Variants in ARHGEF28 observed in about 807,000 individuals in gnomAD.
ARHGEF28 encodes the protein Rho guanine nucleotide exchange factor 28.
A neutral mutation model predicts 206.6 loss-of-function variants in ARHGEF28; 152 were observed. The ratio of observed to expected loss-of-function variants is 0.74; its 90% confidence interval spans 0.64 to 0.84. The LOEUF (loss-of-function observed/expected upper bound fraction) is 0.84. ARHGEF28 is among the 40% of genes least tolerant of loss of function. The pLI is 0.00. For missense variants in ARHGEF28, 2,028 were observed against 2,073.2 expected, an observed-to-expected ratio of 0.98 and a Z score of 0.42; for synonymous variants, 763 against 776.4, an observed-to-expected ratio of 0.98 and a Z score of 0.29.
chr5:73,806,345 T>C (rs1755444572), intron 9 of ARHGEF28, among the ~76,000 whole-genome samples: 1 of 125,224 alleles, frequency 8.0e-6, no homozygotes, highest in Non-Finnish European at 1.6e-5. Context: ...ATATATACTA[T>C]GTAGATATAC....
At chr5:73,899,790 T>G (rs901048578) in intron 30 of ARHGEF28, 1 of 152,240 alleles carries the variant, frequency 6.6e-6, no homozygotes, top group Non-Finnish European at 1.5e-5. Flanking sequence ...ATGAGTATCT[T>G]CTACTTCTAG....
chr5:73,929,228 C>T (rs1054653188), intron 35 of ARHGEF28, among the ~76,000 whole-genome samples: 2 of 152,188 alleles, frequency 1.3e-5, no homozygotes, highest in East Asian at 3.8e-4. Flanking sequence ...TCTGATCACT[C>T]AACTTCAGAA....
intron 2 of ARHGEF28, among the ~76,000 whole-genome samples, chr5:73,716,629 T>A (rs1271194768): frequency 2.0e-5 from 3 of 152,200 alleles, no homozygotes; most frequent in Non-Finnish European, 2.9e-5. Flanking sequence ...ACACCACTTA[T>A]GTCACACCTA....
chr5:73,886,161 A>T lies in ARHGEF28; in HGVS notation c.3310+57A>T. 2.0e-6 allele frequency: 3 copies of T among 1,528,450 alleles called. No homozygotes were observed. The South Asian group carries it at 4.0e-5, about 20-fold the overall frequency. The allele number at this position is 1,528,450 out of a possible 1,614,324, so 94.7% of individuals were successfully genotyped here. Reference sequence around the variant, plus strand: ...TTCATACACATTATTCATTTAACAGAGGACAGATTTTCAAAAGAAAAACAG... The same window carrying T: ...TTCATACACATTATTCATTTAACAGTGGACAGATTTTCAAAAGAAAAACAG... On this transcript the variant is annotated intron_variant, in intron 25 of 35. Coordinates refer to ENST00000513042, the MANE Select transcript of ARHGEF28 (RefSeq NM_001177693.2).
chr5:73,837,677 G>A (rs1383305309), intron 10 of ARHGEF28, among the ~76,000 whole-genome samples: 3 of 151,374 alleles, frequency 2.0e-5, no homozygotes, highest in Admixed American at 2.0e-4. Context: ...TAAAAGGTTA[G>A]GATATAATTT....
chr5:73,844,841 T>C (rs1758217388), intron 11 of ARHGEF28, among the ~76,000 whole-genome samples: 1 of 150,808 alleles, frequency 6.6e-6, no homozygotes, highest in African/African-American at 2.4e-5. Context: ...GGAAAGCTGT[T>C]GGCCTCCAAG....
intron 2 of ARHGEF28, among the ~76,000 whole-genome samples, chr5:73,699,796 C>A (rs920455934): frequency 6.6e-6 from 1 of 152,090 alleles, no homozygotes; most frequent in Non-Finnish European, 1.5e-5. Flanking sequence ...CTACAGAAAA[C>A]ATAAAGTGAT....
chr5:73,736,158 A>G (rs1435179419), intron 2 of ARHGEF28, among the ~76,000 whole-genome samples: 3 of 152,258 alleles, frequency 2.0e-5, no homozygotes, highest in Admixed American at 1.3e-4. Flanking sequence ...GTCCTTGAAC[A>G]TGGTCATTTC....
At chr5:73,699,824 T>G (rs1333463588) in intron 2 of ARHGEF28, among the ~76,000 whole-genome samples, 1 of 152,258 alleles carries the variant, frequency 6.6e-6, no homozygotes, top group African/African-American at 2.4e-5. Flanking sequence ...GTATTCATTT[T>G]CAGCAGATTA....
intron 10 of ARHGEF28, among the ~76,000 whole-genome samples, chr5:73,836,303 CT>C (rs58880911): frequency 0.53 from 66,474 of 125,968 alleles, 13,882 homozygotes; most frequent in East Asian, 0.65. Context: ...TCCTTGTCAG[CT>C]TTTTTTTTTT....
At chr5:73,829,796 A>C (rs917809900) in intron 9 of ARHGEF28, among the ~76,000 whole-genome samples, 1 of 152,218 alleles carries the variant, frequency 6.6e-6, no homozygotes, top group African/African-American at 2.4e-5. Context: ...AGGCGAGTCC[A>C]TTTAAAGATG....
Position 73,748,213 on chromosome 5 carries a change from G to A in ARHGEF28, c.34-1624G>A, listed in dbSNP as rs1231637093. Reference sequence around the variant, plus strand: ...TTTTTGCTTTTCAGATCTCCTTCCTGAACTTTTTTGGAAGCTATTGTATGG... The same window carrying A: ...TTTTTGCTTTTCAGATCTCCTTCCTAAACTTTTTTGGAAGCTATTGTATGG... On this transcript the variant is annotated intron_variant, in intron 2 of 35. Coordinates refer to ENST00000513042, the MANE Select transcript of ARHGEF28 (RefSeq NM_001177693.2). 2.6e-5 allele frequency among the ~76,000 whole-genome samples: 4 copies of A among 152,160 alleles called. No homozygotes were observed. The South Asian group carries it at 6.2e-4, about 24-fold the overall frequency.
intron 33 of ARHGEF28, chr5:73,908,547 A>G (rs1762674631): frequency 6.6e-6 from 1 of 152,200 alleles, no homozygotes; most frequent in Non-Finnish European, 1.5e-5. Context: ...GGGCATTCAC[A>G]GAGATCTCTT....
At chr5:73,804,424 G>A (rs553309816) in intron 9 of ARHGEF28, among the ~76,000 whole-genome samples, 5 of 152,296 alleles carry the variant, frequency 3.3e-5, no homozygotes, top group Non-Finnish European at 7.4e-5. Flanking sequence ...TGCAGGACTT[G>A]AATTCTACAT....
chr5:73,864,895 A>G lies in ARHGEF28; in HGVS notation c.2103+23A>G, dbSNP rs1211261464. ...AAGGTAATTGCTCAGTGATCTGTGA[A>G]TATATATGTGGCATGGTTGCTTCAT... On this transcript the variant is annotated intron_variant, in intron 17 of 35. Transcript: ENST00000513042. The G allele has an allele frequency of 2.5e-6, 4 of 1,608,200 alleles. No individual in the cohort carries two copies. The African/African-American group carries it at 5.4e-5, about 22-fold the overall frequency.
chr5:73,650,752 G>A (rs1369285128), intron 1 of ARHGEF28, among the ~76,000 whole-genome samples: 8 of 151,766 alleles, frequency 5.3e-5, no homozygotes, highest in African/African-American at 9.7e-5. Context: ...GGGTTCAAGC[G>A]ATCCTCCCAC....
At chr5:73,847,988 G>A (rs1200300419) in intron 12 of ARHGEF28, among the ~76,000 whole-genome samples, 2 of 152,188 alleles carry the variant, frequency 1.3e-5, no homozygotes, top group African/African-American at 4.8e-5. Context: ...TGAAGTTAGG[G>A]TAACCATGTG....
chr5:73,747,661 T>C (rs2112391188), intron 2 of ARHGEF28, among the ~76,000 whole-genome samples: 1 of 152,340 alleles, frequency 6.6e-6, no homozygotes, highest in Admixed American at 6.5e-5. Context: ...GTCTTTCTGA[T>C]GTTTTTCTGG....
At chr5:73,836,802 TA>T (rs1757671340) in intron 10 of ARHGEF28, among the ~76,000 whole-genome samples, 1 of 152,296 alleles carries the variant, frequency 6.6e-6, no homozygotes, top group South Asian at 2.1e-4. Context: ...GGTTTTATGT[TA>T]AAGCCTTTAT....
Sources: allele counts gnomAD v4.1 joint callset (sites outside exome capture counted in the v4.1 genomes callset), GRCh38; gene constraint gnomAD v4.1.1; transcripts MANE v1.5; gene names NCBI Gene and HGNC (gene_info 2026-07-23, HGNC 2026-07-21).